Variants in SEPTIN7 observed in about 807,000 individuals in gnomAD.
The protein encoded by SEPTIN7 is septin-7.
A neutral mutation model predicts 63.3 loss-of-function variants in SEPTIN7; 10 were observed. That is an observed-to-expected ratio of 0.16 (90% CI 0.10 to 0.27). SEPTIN7 has a LOEUF of 0.27. Ranked by LOEUF, SEPTIN7 falls within the 10% of genes least tolerant of loss-of-function variation. SEPTIN7 has a pLI of 1.00. For synonymous variants in SEPTIN7, 131 were observed against 165.3 expected (o/e 0.79, Z 1.59); for missense variants, 310 against 521.0 (o/e 0.59, Z 3.94).
Position 35,867,501 on chromosome 7 carries a change from C to A in SEPTIN7, c.276+3843C>A, listed in dbSNP as rs1646935335. Among the ~76,000 whole-genome samples, 3 of 152,290 alleles carry A rather than the reference C, an allele frequency of 2.0e-5. No homozygotes were observed. In the South Asian group the frequency reaches 6.2e-4, roughly 32 times the overall value. On this transcript the variant is annotated intron_variant, in intron 4 of 13. Transcript: ENST00000350320. ...AGTACCTGGGATTATAGGCGTGTGC[C>A]ACCACGCCTGGCTAATTTTTGTATT...
chr7:35,801,937 A>G (rs1209898431), intron 1 of SEPTIN7, among the ~76,000 whole-genome samples: 2 of 152,138 alleles, frequency 1.3e-5, no homozygotes, highest in Admixed American at 1.3e-4. Flanking sequence ...GCAGCCCGGA[A>G]GGCCGGTGGA....
At chr7:35,817,024 C>A (rs1180999161) in intron 1 of SEPTIN7, among the ~76,000 whole-genome samples, 1 of 147,760 alleles carries the variant, frequency 6.8e-6, no homozygotes, top group Non-Finnish European at 1.5e-5. Context: ...TTTTTTTTTA[C>A]GTTCTTGATA....
intron 1 of SEPTIN7, among the ~76,000 whole-genome samples, chr7:35,802,466 ATTCT>A (rs1401033545): frequency 1.3e-5 from 2 of 152,256 alleles, no homozygotes; most frequent in Non-Finnish European, 2.9e-5. Context: ...AGCTTTAAGA[ATTCT>A]TTCTTCTGGC....
At chr7:35,881,280 A>G (rs1388296483) in intron 7 of SEPTIN7, among the ~76,000 whole-genome samples, 4 of 151,840 alleles carry the variant, frequency 2.6e-5, no homozygotes, top group African/African-American at 4.8e-5. Flanking sequence ...ATCATATAAT[A>G]CATTTCTTTT....
rs1368678836 is a variant in SEPTIN7, at chr7:35,806,413, G to A, written c.61+5143G>A. 2.6e-5 allele frequency among the ~76,000 whole-genome samples: 4 copies of A among 152,142 alleles called. No individual in the cohort carries two copies. The East Asian group carries it at 5.8e-4, about 22-fold the overall frequency. ...AAAGTATGGTTGAAGGGTCAACCAT[G>A]GCTTGGAGTTAAAAATGCAGATTAA... On this transcript the variant is annotated intron_variant, in intron 1 of 13. Coordinates refer to ENST00000350320, the MANE Select transcript of SEPTIN7 (RefSeq NM_001788.6).
At chr7:35,897,805 G>A (rs752382106) in intron 11 of SEPTIN7, among the ~76,000 whole-genome samples, 11 of 152,048 alleles carry the variant, frequency 7.2e-5, no homozygotes, top group Non-Finnish European at 1.6e-4. Flanking sequence ...AATAATTTTT[G>A]TGTTGTTAGT....
chr7:35,912,675 G>A, the SEPTIN7 span, among the ~76,000 whole-genome samples: 4 of 152,278 alleles, frequency 2.6e-5, no homozygotes, highest in Non-Finnish European at 5.9e-5. Context: ...CCTGGCATCA[G>A]AAAAAGGCCT....
chr7:35,859,824 G>T (rs1785407838), intron 3 of SEPTIN7, among the ~76,000 whole-genome samples: 1 of 152,086 alleles, frequency 6.6e-6, no homozygotes, highest in African/African-American at 2.4e-5. Context: ...GTTACTATTT[G>T]CATGAAGTAT....
intron 3 of SEPTIN7, among the ~76,000 whole-genome samples, chr7:35,861,620 A>G (rs1205671860): frequency 6.6e-6 from 1 of 152,162 alleles, no homozygotes; most frequent in Non-Finnish European, 1.5e-5. Context: ...GGATACTCAG[A>G]TGGTCTATTG....
At chr7:35,843,222 G>A (rs979828243) in intron 3 of SEPTIN7, among the ~76,000 whole-genome samples, 1 of 152,162 alleles carries the variant, frequency 6.6e-6, no homozygotes, top group African/African-American at 2.4e-5. Context: ...TGTAATTAAG[G>A]GGGAGGCAGT....
At chr7:35,845,592 C>CT (rs1213309856) in intron 3 of SEPTIN7, among the ~76,000 whole-genome samples, 1 of 152,110 alleles carries the variant, frequency 6.6e-6, no homozygotes, top group African/African-American at 2.4e-5. Flanking sequence ...AGCTGAGTAG[C>CT]TTAGATTCTT....
chr7:35,877,834 G>A (rs1786566049), intron 6 of SEPTIN7, among the ~76,000 whole-genome samples: 1 of 152,074 alleles, frequency 6.6e-6, no homozygotes, highest in Non-Finnish European at 1.5e-5. Flanking sequence ...CGCTGTAGAG[G>A]GTATTTCAGT....
At chr7:35,830,404 T>A (rs546052961) in intron 1 of SEPTIN7, among the ~76,000 whole-genome samples, 3 of 152,286 alleles carry the variant, frequency 2.0e-5, no homozygotes, top group Non-Finnish European at 4.4e-5. Context: ...ACATTGGAAC[T>A]ACTTGAGGAG....
chr7:35,894,047 G>C (rs188260763), intron 11 of SEPTIN7, among the ~76,000 whole-genome samples: 3 of 151,930 alleles, frequency 2.0e-5, no homozygotes, highest in Admixed American at 1.3e-4. Context: ...GTTTGTAAAG[G>C]AAAGGGGAGA....
chr7:35,801,264 A>G lies in SEPTIN7; in HGVS notation c.55A>G (p.Thr19Ala). 2 of 1,497,164 alleles carry G rather than the reference A, an allele frequency of 1.3e-6. No homozygotes were observed. The highest frequency in any genetic ancestry group is 1.7e-5 in the African/African-American group (1 of 59,472). The allele number at this position is 1,497,164 out of a possible 1,614,324, so 92.7% of individuals were successfully genotyped here. Reference protein sequence around the residue: ...AAEERSVNSSTMVAQQKNLEG... With the variant: ...AAEERSVNSSAMVAQQKNLEG... The stretch of plus-strand genomic sequence containing the variant: ...TGAGGAGAGGAGCGTCAACAGCAGC[A>G]CCATGGGTGAGTCTCAGCTTCGGGT... The change falls in exon 1 of 14, where the codon ACC becomes GCC. Residue 19 changes from threonine (T) to alanine (A), a missense_variant. Thr to Ala is a moderately conservative substitution (Grantham distance 58). Coordinates refer to ENST00000350320, the MANE Select transcript of SEPTIN7 (RefSeq NM_001788.6).
At chr7:35,873,611 C>T in intron 5 of SEPTIN7, 30 bp from the exon 6 acceptor site, 1 of 1,588,910 alleles carries the variant, frequency 6.3e-7, no homozygotes, top group Non-Finnish European at 8.6e-7. Flanking sequence ...TGTAGAATTG[C>T]AGCTTGTTTT....
At chr7:35,809,635 C>T (rs1446141810) in intron 1 of SEPTIN7, among the ~76,000 whole-genome samples, 6 of 151,952 alleles carry the variant, frequency 3.9e-5, no homozygotes, top group East Asian at 1.9e-4. Context: ...CTTTGAAAGT[C>T]GGTAGGAGTG....
intron 13 of SEPTIN7, 138 bp from the exon 14 acceptor site, chr7:35,904,116 T>C: frequency 1.9e-6 from 1 of 537,130 alleles, no homozygotes; most frequent in Non-Finnish European, 3.2e-6. Flanking sequence ...TACTTCTAAA[T>C]CTTTTAATTT....
intron 3 of SEPTIN7, among the ~76,000 whole-genome samples, chr7:35,837,881 C>T (rs1394453292): frequency 4.6e-5 from 7 of 151,914 alleles, no homozygotes; most frequent in Non-Finnish European, 8.8e-5. Context: ...TGCACCACCA[C>T]CCCCAGCTAA....
Sources: gnomAD v4.1 joint callset for allele counts (sites outside exome capture counted in the v4.1 genomes callset) on GRCh38, gnomAD v4.1.1 for gene constraint, MANE v1.5 for transcripts, NCBI Gene and HGNC (gene_info 2026-07-23, HGNC 2026-07-21) for gene names.